ALK: variants seen among roughly 807,000 people sequenced by gnomAD.
ALK encodes the protein ALK tyrosine kinase receptor.
ALK carries 74 observed loss-of-function variants against 163.1 expected under a neutral mutation model. The observed-to-expected ratio is 0.45, with a 90% CI of 0.38 to 0.55. The LOEUF (loss-of-function observed/expected upper bound fraction) is 0.55. Ranked by LOEUF, ALK falls within the 20% of genes least tolerant of loss-of-function variation. ALK has a pLI of 0.00. For synonymous variants in ALK, 960 were observed against 843.2 expected (o/e 1.14, Z -2.40); for missense variants, 2,063 against 2,105.3 (o/e 0.98, Z 0.39).
chr2:29,387,760 G>A (rs954294741), intron 4 of ALK, among the ~76,000 whole-genome samples: 2 of 152,110 alleles, frequency 1.3e-5, no homozygotes, highest in Admixed American at 6.5e-5. Context: ...TCACAGAATC[G>A]CAGATTTATT....
intron 3 of ALK, among the ~76,000 whole-genome samples, chr2:29,668,777 G>T (rs1243856686): frequency 2.6e-5 from 4 of 152,086 alleles, no homozygotes; most frequent in Non-Finnish European, 5.9e-5. Context: ...AATTTATAAA[G>T]AAAAAGAGGT....
intron 3 of ALK, among the ~76,000 whole-genome samples, chr2:29,668,763 G>A (rs1677593333): frequency 6.6e-6 from 1 of 152,050 alleles, no homozygotes; most frequent in Non-Finnish European, 1.5e-5. Context: ...ACCCAAAACT[G>A]GGTAATTTAT....
At chr2:29,835,589 A>G (rs1445237678) in intron 1 of ALK, among the ~76,000 whole-genome samples, 5 of 152,148 alleles carry the variant, frequency 3.3e-5, no homozygotes, top group African/African-American at 1.2e-4. Context: ...GTATGTGGAT[A>G]TAAGAAAGTC....
chr2:29,413,410 G>A (rs915599027), intron 4 of ALK, among the ~76,000 whole-genome samples: 1 of 151,494 alleles, frequency 6.6e-6, no homozygotes, highest in Non-Finnish European at 1.5e-5. Flanking sequence ...GCAGTGGCAC[G>A]ATCTTGACTC....
intron 22 of ALK, 192 bp from the exon 23 acceptor site, chr2:29,221,027 C>T: frequency 1.3e-6 from 1 of 748,910 alleles, no homozygotes; most frequent in Non-Finnish European, 2.4e-6. Context: ...TGGGAAGAAC[C>T]ACAGCAGGCT....
intron 1 of ALK, among the ~76,000 whole-genome samples, chr2:29,759,725 G>T (rs746299803): frequency 6.6e-6 from 1 of 152,148 alleles, no homozygotes; most frequent in Admixed American, 6.5e-5. Flanking sequence ...TGTAGCCAGC[G>T]AAACCCAGTA....
chr2:29,721,329 G>A (rs779926407), intron 1 of ALK, among the ~76,000 whole-genome samples: 1 of 152,074 alleles, frequency 6.6e-6, no homozygotes, highest in Non-Finnish European at 1.5e-5. Flanking sequence ...TTATCCTGGA[G>A]CAGGTAGATG....
intron 1 of ALK, among the ~76,000 whole-genome samples, chr2:29,730,574 G>C (rs750526693): frequency 5.3e-5 from 8 of 152,088 alleles, no homozygotes; most frequent in Non-Finnish European, 1.0e-4. Context: ...CCTCATAAAG[G>C]TTTAATAAGA....
intron 5 of ALK, among the ~76,000 whole-genome samples, chr2:29,363,669 A>T (rs992955708): frequency 1.3e-5 from 2 of 152,218 alleles, no homozygotes; most frequent in African/African-American, 4.8e-5. Flanking sequence ...ACACAAGCCC[A>T]GGGGCCTCAG....
intron 4 of ALK, among the ~76,000 whole-genome samples, chr2:29,459,235 C>T (rs961233683): frequency 1.3e-5 from 2 of 150,634 alleles, no homozygotes; most frequent in Non-Finnish European, 3.0e-5. Context: ...CTTAATTTAC[C>T]GAGAGGTTAA....
chr2:29,881,370 A>T (rs1480665872), intron 1 of ALK, among the ~76,000 whole-genome samples: 3 of 152,170 alleles, frequency 2.0e-5, no homozygotes, highest in Non-Finnish European at 4.4e-5. Flanking sequence ...ATTAATTATG[A>T]TCTTCCCTCT....
chr2:29,627,970 G>A (rs1024940959), intron 3 of ALK, among the ~76,000 whole-genome samples: 19 of 152,126 alleles, frequency 1.2e-4, no homozygotes, highest in Non-Finnish European at 1.5e-5. Context: ...ATTTGGCTTG[G>A]GAAATAACAT....
intron 1 of ALK, among the ~76,000 whole-genome samples, chr2:29,854,119 G>A (rs1666079038): frequency 6.6e-6 from 1 of 152,038 alleles, no homozygotes; most frequent in African/African-American, 2.4e-5. Flanking sequence ...TGCACAGGAT[G>A]GGTCTTTCTC....
intron 4 of ALK, among the ~76,000 whole-genome samples, chr2:29,429,794 C>A (rs1670230318): frequency 6.6e-6 from 1 of 151,910 alleles, no homozygotes; most frequent in Non-Finnish European, 1.5e-5. Flanking sequence ...ATAAGAAGAA[C>A]CAAGTAGGAG....
intron 1 of ALK, among the ~76,000 whole-genome samples, chr2:29,865,434 A>T (rs1211537473): frequency 6.6e-6 from 1 of 152,136 alleles, no homozygotes; most frequent in Non-Finnish European, 1.5e-5. Flanking sequence ...CATTCTGCCA[A>T]TCAGCTTTAT....
chr2:29,669,597 TA>T (rs1677620680), intron 3 of ALK, among the ~76,000 whole-genome samples: 1 of 152,072 alleles, frequency 6.6e-6, no homozygotes, highest in Admixed American at 6.6e-5. Flanking sequence ...AATTTACATT[TA>T]GTGTTATTAT....
intron 5 of ALK, among the ~76,000 whole-genome samples, chr2:29,350,627 A>G (rs1163305978): frequency 1.3e-5 from 2 of 152,218 alleles, no homozygotes; most frequent in African/African-American, 4.8e-5. Context: ...GAGTAAACTC[A>G]GTAATGACAG....
At chr2:29,721,638 T>C (rs1230940624) in intron 1 of ALK, among the ~76,000 whole-genome samples, 1 of 152,238 alleles carries the variant, frequency 6.6e-6, no homozygotes, top group Non-Finnish European at 1.5e-5. Context: ...TCTTCTGTTG[T>C]AAAGGATAAC....
At chr2:29,287,732 G>T (rs1422680960) in intron 9 of ALK, among the ~76,000 whole-genome samples, 1 of 151,660 alleles carries the variant, frequency 6.6e-6, no homozygotes, top group Non-Finnish European at 1.5e-5. Context: ...CCACCGACTG[G>T]CTGAATGGAA....
Sources: allele counts gnomAD v4.1 joint callset (sites outside exome capture counted in the v4.1 genomes callset), GRCh38; gene constraint gnomAD v4.1.1; transcripts MANE v1.5; gene names NCBI Gene and HGNC (gene_info 2026-07-23, HGNC 2026-07-21).